The following PDGFRL variants were observed in gnomAD, a reference collection of about 807,000 sequenced individuals.
The protein encoded by PDGFRL is platelet-derived growth factor receptor-like protein.
PDGFRL carries 46 observed loss-of-function variants against 37.2 expected under a neutral mutation model. The ratio of observed to expected loss-of-function variants is 1.24; its 90% CI spans 0.98 to 1.58. PDGFRL has a LOEUF of 1.58. Among genes scored for constraint, PDGFRL ranks in the 40% most tolerant of loss-of-function variants. PDGFRL has a pLI of 0.00. For missense variants in PDGFRL, 692 were observed against 467.6 expected (o/e 1.48, Z -4.43); for synonymous variants, 251 against 184.3 (o/e 1.36, Z -2.93).
intron 2 of PDGFRL, among the ~76,000 whole-genome samples, chr8:17,607,212 T>C (rs1232525807): frequency 6.6e-6 from 1 of 152,128 alleles, no homozygotes. Flanking sequence ...AAACTCTTTG[T>C]GTCCATAGCA....
At chr8:17,625,432 G>A (rs1396837754) in intron 3 of PDGFRL, among the ~76,000 whole-genome samples, 1 of 148,304 alleles carries the variant, frequency 6.7e-6, no homozygotes, top group East Asian at 2.0e-4. Context: ...TTACAGGCGT[G>A]AGCCACTGCA....
At position 17,591,624 on chromosome 8, in the gene PDGFRL, C is replaced by A. The variant is rs973449784; in HGVS notation, c.353+1859C>A. 1.3e-5 allele frequency among the ~76,000 whole-genome samples: 2 copies of A among 152,118 alleles called. 1 individual carries two copies. Among genetic ancestry groups the A allele is most frequent in the South Asian group, 4.1e-4 (2 of 4,828 alleles). On this transcript the variant is annotated intron_variant, in intron 2 of 5. Transcript: ENST00000251630. ...GATGACAAGAATGGGAGAAAGAAAG[C>A]CTGCAGGCAGGCTGGGCACGGTGGC...
chr8:17,626,863 C>G (rs1804744625), intron 3 of PDGFRL, among the ~76,000 whole-genome samples: 1 of 152,124 alleles, frequency 6.6e-6, no homozygotes. Flanking sequence ...GATAAAAATG[C>G]CATCATCTGA....
At chr8:17,603,713 A>T (rs1400503507) in intron 2 of PDGFRL, among the ~76,000 whole-genome samples, 1 of 152,208 alleles carries the variant, frequency 6.6e-6, no homozygotes, top group African/African-American at 2.4e-5. Flanking sequence ...AAATAGATAA[A>T]ATCTCTATAT....
At chr8:17,633,412 C>T (rs919347173) in intron 4 of PDGFRL, among the ~76,000 whole-genome samples, 1 of 152,156 alleles carries the variant, frequency 6.6e-6, no homozygotes, top group Non-Finnish European at 1.5e-5. Flanking sequence ...CCTGTAGTCC[C>T]AGCTACTCTG....
chr8:17,588,525 T>C (rs1393338688), intron 1 of PDGFRL, among the ~76,000 whole-genome samples: 1 of 150,856 alleles, frequency 6.6e-6, no homozygotes, highest in Non-Finnish European at 1.5e-5. Context: ...AAAAAAAAAT[T>C]AGCTCAGCAT....
intron 1 of PDGFRL, among the ~76,000 whole-genome samples, chr8:17,580,704 C>T (rs866312817): frequency 7.2e-5 from 11 of 152,146 alleles, no homozygotes; most frequent in African/African-American, 2.2e-4. Flanking sequence ...CAAAGTACCA[C>T]GGAATGGGAG....
rs546376787 is a variant in PDGFRL at position 17,633,647 on chromosome 8, A to G, written c.800-427A>G. On this transcript the variant is annotated intron_variant, in intron 4 of 5. Transcript: ENST00000251630. ...ATGCCCAAACATCTTTCACATCTGT[A>G]CATTTAGATTTTCTGTTCGTCTTCT... 3.9e-5 allele frequency among the ~76,000 whole-genome samples: 6 copies of G among 152,332 alleles called. No homozygotes were observed. In the South Asian group the frequency reaches 1.2e-3, roughly 32 times the overall value.
chr8:17,618,835 G>T (rs553658594), intron 2 of PDGFRL, among the ~76,000 whole-genome samples: 1 of 152,282 alleles, frequency 6.6e-6, no homozygotes, highest in South Asian at 2.1e-4. Flanking sequence ...GTAATGACAG[G>T]AAGCCAGGGG....
At chr8:17,607,689 T>C (rs1253429660) in intron 2 of PDGFRL, among the ~76,000 whole-genome samples, 1 of 152,216 alleles carries the variant, frequency 6.6e-6, no homozygotes, top group Non-Finnish European at 1.5e-5. Context: ...TAAGTATACA[T>C]GTGGGTGACG....
At chr8:17,578,118 TTTGC>T (rs1803627931) in intron 1 of PDGFRL, among the ~76,000 whole-genome samples, 1 of 152,120 alleles carries the variant, frequency 6.6e-6, no homozygotes, top group African/African-American at 2.4e-5. Context: ...AAATGTTTTG[TTTGC>T]TCTATTCACT....
intron 5 of PDGFRL, 72 bp downstream of exon 5, chr8:17,634,285 G>T: frequency 4.7e-6 from 6 of 1,267,516 alleles, no homozygotes; most frequent in Non-Finnish European, 6.7e-6. Context: ...TTAATTCACA[G>T]CTTCGTCCCC....
At chr8:17,628,960 A>T (rs1225460866) in intron 4 of PDGFRL, among the ~76,000 whole-genome samples, 180 bp downstream of exon 4, 1 of 151,634 alleles carries the variant, frequency 6.6e-6, no homozygotes, top group African/African-American at 2.4e-5. Flanking sequence ...TTTGTTGCCC[A>T]GGCTGGAATG....
rs755782335 is a variant in PDGFRL, at chr8:17,628,748, TC to T, written c.768del (p.Ser257ProfsTer27). The T allele has an allele frequency of 6.2e-7, 1 of 1,614,064 alleles. No individual in the cohort carries two copies. Among genetic ancestry groups the T allele is most frequent in the South Asian group, 1.1e-5 (1 of 91,076 alleles). ...CRAEAGGRSQ[I>X]SVKYQLLYVA... ...GCGGAGGCCGGGGGCAGATCTCAGA[TC>T]TCCGTCAAGTACCAGCTGCTCTATG... On this transcript the variant is annotated frameshift_variant, in exon 4 of 6. Transcript: ENST00000251630. LOFTEE classifies it high-confidence loss of function.
Position 17,589,445 on chromosome 8 carries a change from T to G in PDGFRL, c.56-23T>G, listed in dbSNP as rs200195224. ...CAAAAATGTCATTACTACAGCGCATTTCTCTCTCCTTACGTTTTGCAGTTA... is the reference window on the plus strand; with the variant it reads ...CAAAAATGTCATTACTACAGCGCATGTCTCTCTCCTTACGTTTTGCAGTTA... On this transcript the variant is annotated intron_variant, in intron 1 of 5. Transcript: ENST00000251630. 4 of 1,582,644 alleles carry G rather than the reference T, an allele frequency of 2.5e-6. No homozygotes were observed. The African/African-American group carries it at 5.4e-5, about 21-fold the overall frequency.
rs566682959 is a variant in PDGFRL, at chr8:17,610,900, T to G, written c.354-10151T>G. Among the ~76,000 whole-genome samples, 131 of 151,470 alleles carry G rather than the reference T, an allele frequency of 8.6e-4. 1 individual carries two copies. Among genetic ancestry groups the G allele is most frequent in the African/African-American group, 3.0e-3 (125 of 41,356 alleles). On this transcript the variant is annotated intron_variant, in intron 2 of 5. Coordinates refer to ENST00000251630, the MANE Select transcript of PDGFRL (RefSeq NM_001372073.1). ...CACTCCAGCCTGGGGGACAGTGAGA[T>G]TCCGTCTCAAAAAAAATTACACGAG...
At chr8:17,594,663 T>C (rs904334961) in intron 2 of PDGFRL, among the ~76,000 whole-genome samples, 1 of 152,208 alleles carries the variant, frequency 6.6e-6, no homozygotes, top group East Asian at 1.9e-4. Flanking sequence ...CAAGCGATTC[T>C]CCTGCCTCAG....
chr8:17,582,626 G>A (rs1563502633), intron 1 of PDGFRL, among the ~76,000 whole-genome samples: 1 of 150,452 alleles, frequency 6.6e-6, no homozygotes, highest in Non-Finnish European at 1.5e-5. Context: ...AATTACAGCA[G>A]CAAAGGAATG....
At chr8:17,634,296 ACCCAGTGCTATATG>A in intron 5 of PDGFRL, 83 bp downstream of exon 5, 2 of 1,102,382 alleles carry the variant, frequency 1.8e-6, no homozygotes, top group Non-Finnish European at 2.7e-6. Context: ...CTTCGTCCCC[ACCCAGTGCTATATG>A]CCATAACTTC....
Sources: gnomAD v4.1 joint callset for allele counts (sites outside exome capture counted in the v4.1 genomes callset) on GRCh38, gnomAD v4.1.1 for gene constraint, MANE v1.5 for transcripts, NCBI Gene and HGNC (gene_info 2026-07-23, HGNC 2026-07-21) for gene names.